The following MAGI2 variants were observed in gnomAD, a reference collection of about 807,000 sequenced individuals.
The protein encoded by MAGI2 is membrane associated guanylate kinase, WW and PDZ domain containing 2.
Under a neutral mutation model 133.3 loss-of-function variants are expected in MAGI2, and 35 were observed. The ratio of observed to expected loss-of-function variants is 0.26; its 90% confidence interval spans 0.20 to 0.35. The LOEUF is 0.35. Among genes scored for constraint, MAGI2 ranks in the 10% least tolerant of loss-of-function variants. The pLI is 1.00. For missense variants in MAGI2, 1,636 were observed against 1,863.4 expected (o/e 0.88, Z 2.25); for synonymous variants, 729 against 710.6 (o/e 1.03, Z -0.41).
intron 3 of MAGI2, among the ~76,000 whole-genome samples, chr7:78,565,528 G>A (rs1800858571): frequency 6.6e-6 from 1 of 151,540 alleles, no homozygotes; most frequent in African/African-American, 2.4e-5. Context: ...AAAATGTCTG[G>A]CCTATACTGA....
At chr7:78,394,860 A>T (rs557710448) in intron 6 of MAGI2, among the ~76,000 whole-genome samples, 21 of 152,350 alleles carry the variant, frequency 1.4e-4, no homozygotes, top group Non-Finnish European at 2.2e-4. Flanking sequence ...TGGAAAGAGC[A>T]CACATGACTT....
intron 6 of MAGI2, among the ~76,000 whole-genome samples, chr7:78,381,217 C>T (rs549252852): frequency 2.0e-5 from 3 of 152,082 alleles, no homozygotes; most frequent in Non-Finnish European, 2.9e-5. Context: ...CGTTGTGGCG[C>T]GCATCTGTAA....
At chr7:78,556,892 T>C (rs377057748) in intron 3 of MAGI2, among the ~76,000 whole-genome samples, 2,548 of 150,334 alleles carry the variant, frequency 0.017, 38 homozygotes, top group African/African-American at 0.049. Flanking sequence ...ATCAAGACCA[T>C]CCTGGCTAAC....
At chr7:79,094,273 A>C (rs1320152141) in intron 1 of MAGI2, among the ~76,000 whole-genome samples, 2 of 152,192 alleles carry the variant, frequency 1.3e-5, no homozygotes, top group Non-Finnish European at 1.5e-5. Flanking sequence ...TTTGCTTTTC[A>C]ATAAGAAGCA....
At chr7:78,322,918 A>G (rs1788160312) in intron 9 of MAGI2, among the ~76,000 whole-genome samples, 1 of 152,138 alleles carries the variant, frequency 6.6e-6, no homozygotes, top group Non-Finnish European at 1.5e-5. Context: ...CTGGTATGAC[A>G]CTGAAAGGTG....
chr7:78,967,623 TA>T (rs200079878), intron 2 of MAGI2, among the ~76,000 whole-genome samples: 3,671 of 125,234 alleles, frequency 0.029, 146 homozygotes, highest in African/African-American at 0.12. Context: ...ATTTTTTTTT[TA>T]TATATATATA....
At chr7:79,067,561 T>C (rs1336155563) in intron 1 of MAGI2, among the ~76,000 whole-genome samples, 1 of 152,198 alleles carries the variant, frequency 6.6e-6, no homozygotes, top group African/African-American at 2.4e-5. Context: ...CAGAGACAAT[T>C]TGACTTCCTC....
intron 1 of MAGI2, among the ~76,000 whole-genome samples, chr7:79,214,405 CTCTATATATATA>C (rs1217339020): frequency 1.2e-3 from 36 of 30,514 alleles, no homozygotes; most frequent in Admixed American, 3.0e-3. Context: ...CTCTCTCTCT[CTCTATATATATA>C]TATATATATA....
rs555008636 is a variant in MAGI2, at chr7:78,925,180, G to A, written c.418+81910C>T. Among the ~76,000 whole-genome samples the A allele has an allele frequency of 3.9e-5, 6 of 152,026 alleles. No homozygotes were observed. In the East Asian group the frequency reaches 5.8e-4, roughly 15 times the overall value. On this transcript the variant is annotated intron_variant, in intron 2 of 21. Coordinates refer to ENST00000354212, the MANE Select transcript of MAGI2 (RefSeq NM_012301.4). ...TTGGCCAGAACTCCAGTGGGAAAGC[G>A]ACCTTGAGTTTGCAATGGCAGTTCA...
intron 1 of MAGI2, among the ~76,000 whole-genome samples, chr7:79,374,507 T>G (rs1270362598): frequency 6.6e-6 from 1 of 151,960 alleles, no homozygotes; most frequent in East Asian, 1.9e-4. Context: ...ACTTCTAGTC[T>G]CCAGAGCTGT....
intron 1 of MAGI2, among the ~76,000 whole-genome samples, chr7:79,308,928 T>C (rs1412238305): frequency 6.6e-6 from 1 of 152,108 alleles, no homozygotes; most frequent in Non-Finnish European, 1.5e-5. Flanking sequence ...ACCTCAAAAT[T>C]AATTCAAAGT....
intron 2 of MAGI2, among the ~76,000 whole-genome samples, chr7:78,982,391 G>A (rs1804869041): frequency 6.6e-6 from 1 of 151,802 alleles, no homozygotes; most frequent in Non-Finnish European, 1.5e-5. Context: ...AATTAAATGG[G>A]ATATGTCTGT....
chr7:78,538,291 T>C (rs914351841), intron 3 of MAGI2, among the ~76,000 whole-genome samples: 5 of 152,228 alleles, frequency 3.3e-5, no homozygotes, highest in African/African-American at 1.2e-4. Flanking sequence ...TTTTGCTTAG[T>C]CTCACTTTGG....
chr7:78,828,973 A>G (rs990420780), intron 2 of MAGI2, among the ~76,000 whole-genome samples: 32 of 152,272 alleles, frequency 2.1e-4, no homozygotes, highest in African/African-American at 7.2e-4. Flanking sequence ...GAGTAAATTC[A>G]CTAACTCTTA....
intron 10 of MAGI2, among the ~76,000 whole-genome samples, chr7:78,238,056 C>T (rs1025288719): frequency 6.6e-6 from 1 of 152,150 alleles, no homozygotes; most frequent in Non-Finnish European, 1.5e-5. Flanking sequence ...AAATGCTTTC[C>T]TTCATAAGGC....
Position 78,669,352 on chromosome 7 carries a change from T to C in MAGI2, c.419-42113A>G, listed in dbSNP as rs1217407295. Among the ~76,000 whole-genome samples, 4 of 151,408 alleles carry C rather than the reference T, an allele frequency of 2.6e-5. No individual in the cohort carries two copies. The East Asian group carries it at 7.7e-4, about 29-fold the overall frequency. ...TGGATAAATTCCTCAACACATACAC[T>C]CTCCCAAGACTAAACCAGGAAGAAG... On this transcript the variant is annotated intron_variant, in intron 2 of 21. Transcript: ENST00000354212.
At position 79,072,094 on chromosome 7, in the gene MAGI2, G is replaced by T. The variant is rs555566605; in HGVS notation, c.302-64888C>A. Among the ~76,000 whole-genome samples the T allele has an allele frequency of 2.6e-5, 4 of 152,230 alleles. No individual in the cohort carries two copies. In the East Asian group the frequency reaches 7.7e-4, roughly 29 times the overall value. ...CCAGGGTGATGCGATGCCCCACTCT[G>T]CTTCAGCTTGCCCTCCATGGGCTGC... On this transcript the variant is annotated intron_variant, in intron 1 of 21. Transcript: ENST00000354212.
rs556214911 is a variant in MAGI2 at position 79,028,233 on chromosome 7, A to G, written c.302-21027T>C. Among the ~76,000 whole-genome samples the G allele has an allele frequency of 1.3e-3, 136 of 104,908 alleles. 2 individuals are homozygous for G. Among genetic ancestry groups the G allele is most frequent in the African/African-American group, 5.2e-3 (127 of 24,344 alleles). 68.8% of individuals were successfully genotyped at this position (104,908 alleles called of 152,430 possible). On this transcript the variant is annotated intron_variant, in intron 1 of 21. Transcript: ENST00000354212. ...CTCAAAAAAATATATATATATATGT[A>G]TGTATATATATATATATATATATAT...
intron 2 of MAGI2, among the ~76,000 whole-genome samples, chr7:78,756,994 A>G (rs1373899280): frequency 6.6e-6 from 1 of 151,878 alleles, no homozygotes; most frequent in Non-Finnish European, 1.5e-5. Flanking sequence ...TCCCTTTCCC[A>G]CTTTCCTAGA....
Sources: allele counts gnomAD v4.1 joint callset (sites outside exome capture counted in the v4.1 genomes callset), GRCh38; gene constraint gnomAD v4.1.1; transcripts MANE v1.5; gene names NCBI Gene and HGNC (gene_info 2026-07-23, HGNC 2026-07-21).